The following GTSE1 variants were observed in gnomAD, a reference collection of about 807,000 sequenced individuals.
GTSE1 encodes the protein G2 and S phase-expressed protein 1.
A neutral mutation model predicts 60.5 loss-of-function variants in GTSE1; 52 were observed. That is an observed-to-expected ratio of 0.86 (90% CI 0.69 to 1.08). The LOEUF (loss-of-function observed/expected upper bound fraction) is 1.08. Ranked by LOEUF, GTSE1 falls within the 50% of genes least tolerant of loss-of-function variation. GTSE1 has a pLI of 0.00. For synonymous variants in GTSE1, 368 were observed against 386.5 expected, an observed-to-expected ratio of 0.95 and a Z score of 0.56; for missense variants, 937 against 961.8, an observed-to-expected ratio of 0.97 and a Z score of 0.34.
At chr22:46,325,326 G>A (rs6520010) in intron 8 of GTSE1, among the ~76,000 whole-genome samples, 38,919 of 151,770 alleles carry the variant, frequency 0.26, 8,490 homozygotes, top group African/African-American at 0.6. Flanking sequence ...CCTCACGAGC[G>A]GCTGGGACCA....
rs1345369322 is a variant in GTSE1, at chr22:46,328,752, A to C, written c.1789A>C (p.Arg597=). 3.7e-6 allele frequency: 6 copies of C among 1,613,798 alleles called. No individual in the cohort carries two copies. Among genetic ancestry groups the C allele is most frequent in the Non-Finnish European group, 5.1e-6 (6 of 1,179,750 alleles). ...DSRLVDVSPD[R]GSPPSRVPQA... is the part of the protein sequence containing the mutation. ...CAGGCTGGTGGATGTGTCCCCTGAC[A>C]GGGGTTCTCCTCCTTCCCGTGTGCC... Residue 597 remains arginine, a synonymous_variant, in exon 10 of 12, where the codon AGG becomes CGG. Coordinates refer to ENST00000454366, the MANE Select transcript of GTSE1 (RefSeq NM_016426.7).
At chr22:46,301,461 T>C (rs1378810958) in intron 2 of GTSE1, among the ~76,000 whole-genome samples, 1 of 150,986 alleles carries the variant, frequency 6.6e-6, no homozygotes, top group Non-Finnish European at 1.5e-5. Context: ...GAAAACTGCA[T>C]TCTCAGAGCA....
Position 46,329,150 on chromosome 22 carries a change from G to C in GTSE1, c.1927-208G>C, listed in dbSNP as rs1159245060. On this transcript the variant is annotated intron_variant, in intron 10 of 11. Transcript: ENST00000454366. This position sits in a 1 kb window ranked among gnomAD's most constrained non-coding sequence, Gnocchi z 6.4. Reference sequence around the variant, plus strand: ...AGCAGGGTGGCAGGAGCTGGTGGCTGCTGGTGAGCGGGTATGGACAGGGAG... The same window carrying C: ...AGCAGGGTGGCAGGAGCTGGTGGCTCCTGGTGAGCGGGTATGGACAGGGAG... The C allele has an allele frequency of 1.6e-6, 1 of 634,046 alleles. No homozygotes were observed. Among genetic ancestry groups the C allele is most frequent in the African/African-American group, 1.8e-5 (1 of 54,668 alleles). 39.3% of individuals were successfully genotyped at this position (634,046 alleles called of 1,614,324 possible).
chr22:46,328,986 C>T lies in GTSE1; in HGVS notation c.1926+97C>T, dbSNP rs569391681. 4.6e-4 allele frequency: 460 copies of T among 990,088 alleles called. 3 individuals are homozygous for T. The African/African-American group carries it at 6.5e-3, about 14-fold the overall frequency. 61.3% of individuals were successfully genotyped at this position (990,088 alleles called of 1,614,324 possible). ...CCAGGGCTGTGGCTGGCGGAGTTCC[C>T]TGCCATGCTTCATCCTGGGGCCAGT... is the stretch of plus-strand genomic sequence containing the variant. On this transcript the variant is annotated intron_variant, in intron 10 of 11. Transcript: ENST00000454366.
At chr22:46,323,098 C>T (rs1184620112) in intron 7 of GTSE1, 92 bp from the exon 8 acceptor site, 8 of 848,632 alleles carry the variant, frequency 9.4e-6, no homozygotes, top group Non-Finnish European at 1.4e-5. Flanking sequence ...AGTGGAGATA[C>T]TCGGAGAATT....
At position 46,309,759 on chromosome 22, in the gene GTSE1, A is replaced by T. The variant is rs184114517; in HGVS notation, c.762+816A>T. ...GCCGCCACGCCACACACTGCCCTTG[A>T]CAAGGAGGTATGCCCGGCACTGCCA... is the stretch of plus-strand genomic sequence containing the variant. On this transcript the variant is annotated intron_variant, in intron 4 of 11. Coordinates refer to ENST00000454366, the MANE Select transcript of GTSE1 (RefSeq NM_016426.7). The surrounding 1 kb of genome is among the most constrained non-coding windows in gnomAD (Gnocchi z 6.2). Among the ~76,000 whole-genome samples the T allele has an allele frequency of 7.2e-5, 11 of 152,308 alleles. No homozygotes were observed. The East Asian group carries it at 2.1e-3, about 29-fold the overall frequency.
Position 46,320,719 on chromosome 22 carries a change from C to T in GTSE1, c.1433-2471C>T, listed in dbSNP as rs1438327171. 3.3e-5 allele frequency among the ~76,000 whole-genome samples: 5 copies of T among 152,200 alleles called. No individual in the cohort carries two copies. Among genetic ancestry groups the T allele is most frequent in the African/African-American group, 1.2e-4 (5 of 41,444 alleles). On this transcript the variant is annotated intron_variant, in intron 7 of 11. Coordinates refer to ENST00000454366, the MANE Select transcript of GTSE1 (RefSeq NM_016426.7). The surrounding 1 kb of genome is among the most constrained non-coding windows in gnomAD (Gnocchi z 7.1). ...ACTATGAGTCCATGCTGCCGGGTCA[C>T]CCAGAGGATTGAGACTTGGAATTCT...
chr22:46,309,074 G>A lies in GTSE1; in HGVS notation c.762+131G>A. 1 of 1,055,362 alleles carries A rather than the reference G, an allele frequency of 9.5e-7. No individual in the cohort carries two copies. Among genetic ancestry groups the A allele is most frequent in the South Asian group, 1.7e-5 (1 of 58,524 alleles). 65.4% of individuals were successfully genotyped at this position (1,055,362 alleles called of 1,614,324 possible). On this transcript the variant is annotated intron_variant, in intron 4 of 11. Transcript: ENST00000454366. This position sits in a 1 kb window ranked among gnomAD's most constrained non-coding sequence, Gnocchi z 6.2. ...GGCCTACAAAACACAGGAATGCGGA[G>A]TCCAGGAAAAGCAGTTGCCAATAGG...
intron 2 of GTSE1, 139 bp from the exon 3 acceptor site, chr22:46,308,011 A>G: frequency 1.5e-6 from 1 of 648,340 alleles, no homozygotes; most frequent in South Asian, 2.0e-5. Flanking sequence ...ATGAAAAACT[A>G]AATTAGCATC....
chr22:46,301,021 T>G (rs1569035512), intron 2 of GTSE1, among the ~76,000 whole-genome samples: 1 of 152,234 alleles, frequency 6.6e-6, no homozygotes, highest in Non-Finnish European at 1.5e-5. Context: ...AGCCCTGTCC[T>G]GAATCTTGTT....
At position 46,318,954 on chromosome 22, in the gene GTSE1, TC is replaced by T. The variant is rs1409172725; in HGVS notation, c.1432+2546del. On this transcript the variant is annotated intron_variant, in intron 7 of 11. Coordinates refer to ENST00000454366, the MANE Select transcript of GTSE1 (RefSeq NM_016426.7). This position sits in a 1 kb window ranked among gnomAD's most constrained non-coding sequence, Gnocchi z 4.8. ...CTTCTTCTAGGTGAAGAAGAGCAAA[TC>T]CCCACCTTTCAAGGACCCTCACTGC... Among the ~76,000 whole-genome samples the T allele has an allele frequency of 1.3e-5, 2 of 152,108 alleles. No individual in the cohort carries two copies. The highest frequency in any genetic ancestry group is 1.5e-5 in the Non-Finnish European group (1 of 67,982).
rs1173789384 is a variant in GTSE1 at position 46,314,328 on chromosome 22, G to A, written c.1051+315G>A. ...CTCATGTCCATGTCATGAGACACCAGTTTTAAAATAGGACTATTCCAGATA... is the reference window on the plus strand; with the variant it reads ...CTCATGTCCATGTCATGAGACACCAATTTTAAAATAGGACTATTCCAGATA... On this transcript the variant is annotated intron_variant, in intron 6 of 11. Coordinates refer to ENST00000454366, the MANE Select transcript of GTSE1 (RefSeq NM_016426.7). This position sits in a 1 kb window ranked among gnomAD's most constrained non-coding sequence, Gnocchi z 7.1. 1.3e-5 allele frequency among the ~76,000 whole-genome samples: 2 copies of A among 152,208 alleles called. No homozygotes were observed. The highest frequency in any genetic ancestry group is 3.8e-4 in the East Asian group (2 of 5,200).
At position 46,312,321 on chromosome 22, in the gene GTSE1, G is replaced by A. The variant is rs1256374083; in HGVS notation, c.927+16G>A. The stretch of plus-strand genomic sequence containing the variant: ...TCCAAACAAGGTGAGTTGGCTGCTG[G>A]GGCCCAAACTTGTGGTTGCTGGGAA... On this transcript the variant is annotated intron_variant, in intron 5 of 11. Transcript: ENST00000454366. 1 of 1,599,908 alleles carries A rather than the reference G, an allele frequency of 6.3e-7. No individual in the cohort carries two copies. The highest frequency in any genetic ancestry group is 8.5e-7 in the Non-Finnish European group (1 of 1,172,032).
intron 4 of GTSE1, among the ~76,000 whole-genome samples, chr22:46,311,302 T>C (rs2077747357): frequency 6.6e-6 from 1 of 152,178 alleles, no homozygotes; most frequent in African/African-American, 2.4e-5. Flanking sequence ...GGTCTCAAAC[T>C]CCTGGCCTCA....
chr22:46,316,216 A>AC lies in GTSE1; in HGVS notation c.1242dup (p.Ser415LeufsTer31), dbSNP rs774308273. 6 of 1,613,196 alleles carry AC rather than the reference A, an allele frequency of 3.7e-6. No homozygotes were observed. The Admixed American group carries it at 5.0e-5, about 13-fold the overall frequency. ...AGCTGGCAGCGGAGCAGCTCACGGC[A>AC]CCCCCCTCAGCATCCCCCACCCAAC... On this transcript the variant is annotated frameshift_variant, in exon 7 of 12. Transcript: ENST00000454366. LOFTEE classifies it high-confidence loss of function. The surrounding 1 kb of genome is among the most constrained non-coding windows in gnomAD (Gnocchi z 5.0).
chr22:46,305,338 G>A (rs529248193), intron 2 of GTSE1, among the ~76,000 whole-genome samples: 9 of 152,028 alleles, frequency 5.9e-5, no homozygotes, highest in East Asian at 1.9e-4. Context: ...GACTGGATGC[G>A]GTGGCTCACG....
At position 46,319,011 on chromosome 22, in the gene GTSE1, A is replaced by G. The variant is rs2077796851; in HGVS notation, c.1432+2599A>G. Among the ~76,000 whole-genome samples the G allele has an allele frequency of 1.3e-5, 2 of 152,192 alleles. No individual in the cohort carries two copies. Among genetic ancestry groups the G allele is most frequent in the Admixed American group, 1.3e-4 (2 of 15,282 alleles). ...GTCCCTGTGACTCCGTTTGTGTCCC[A>G]TTGAGTACGACGCTTCCCTGCACAG... is the stretch of plus-strand genomic sequence containing the variant. On this transcript the variant is annotated intron_variant, in intron 7 of 11. Coordinates refer to ENST00000454366, the MANE Select transcript of GTSE1 (RefSeq NM_016426.7). This position sits in a 1 kb window ranked among gnomAD's most constrained non-coding sequence, Gnocchi z 5.0.
chr22:46,322,073 CAAAAAAAAA>C (rs769915567), intron 7 of GTSE1, among the ~76,000 whole-genome samples: 8 of 44,612 alleles, frequency 1.8e-4, no homozygotes, highest in East Asian at 1.6e-3. Flanking sequence ...GACTCTGTCT[CAAAAAAAAA>C]AAAAAAAAAA....
rs1191198259 is a variant in GTSE1, at chr22:46,316,261, C to T, written c.1281C>T (p.Gly427=). Residue 427 remains glycine (G), a synonymous_variant, in exon 7 of 12, where the codon GGC becomes GGT. Transcript: ENST00000454366. This position sits in a 1 kb window ranked among gnomAD's most constrained non-coding sequence, Gnocchi z 5.0. ...CCCAACCCCAGACTCCGGAAGGTGGCGGCCAGTGGCTGAACTCCAGTTGCG... is the reference window on the plus strand; with the variant it reads ...CCCAACCCCAGACTCCGGAAGGTGGTGGCCAGTGGCTGAACTCCAGTTGCG... ...SPTQPQTPEG[G]GQWLNSSCAW... 5 of 1,613,822 alleles carry T rather than the reference C, an allele frequency of 3.1e-6. No homozygotes were observed. The South Asian group carries it at 4.4e-5, about 14-fold the overall frequency.
Sources: gnomAD v4.1 joint callset for allele counts (sites outside exome capture counted in the v4.1 genomes callset) on GRCh38, gnomAD v4.1.1 for gene constraint, Gnocchi (gnomAD v3.1) non-coding constraint, MANE v1.5 for transcripts, NCBI Gene and HGNC (gene_info 2026-07-23, HGNC 2026-07-21) for gene names.